PCDH19: variants seen among roughly 807,000 people sequenced by gnomAD.
PCDH19 encodes protocadherin 19.
Under a neutral mutation model 46.2 loss-of-function variants are expected in PCDH19, and 6 were observed. The ratio of observed to expected loss-of-function variants is 0.13; its 90% CI spans 0.07 to 0.26. PCDH19 has a LOEUF of 0.26. PCDH19 is among the 10% of genes least tolerant of loss of function. The pLI, the probability that PCDH19 is intolerant of heterozygous loss-of-function variation, is 1.00. For synonymous variants in PCDH19, 481 were observed against 415.7 expected, an observed-to-expected ratio of 1.16 and a Z score of -1.91; for missense variants, 740 against 972.3, an observed-to-expected ratio of 0.76 and a Z score of 3.18.
intron 5 of PCDH19, among the ~76,000 whole-genome samples, chrX:100,323,388 G>A (rs1925582625): frequency 8.9e-6 from 1 of 111,816 alleles, no homozygotes; most frequent in Admixed American, 9.5e-5. Context: ...AAAACTTCCT[G>A]TCAGTCCAAT....
At position 100,393,497 on chromosome X, in the gene PCDH19, T is replaced by TACACACACACACACAC. The variant is rs57070852; in HGVS notation, c.2616+9011_2616+9026dup. Among the ~76,000 whole-genome samples, 149 of 90,068 alleles carry TACACACACACACACAC rather than the reference T, an allele frequency of 1.7e-3. 1 individual carries two copies. Among genetic ancestry groups the TACACACACACACACAC allele is most frequent in the East Asian group, 9.5e-3 (24 of 2,534 alleles). 78.2% of individuals were successfully genotyped at this position (90,068 alleles called of 115,157 possible). A position where few individuals can be genotyped will look rare whatever the true frequency, so the allele number is the denominator to read the frequency against. On this transcript the variant is annotated intron_variant, in intron 3 of 5. Coordinates refer to ENST00000373034, the MANE Select transcript of PCDH19 (RefSeq NM_001184880.2). Reference sequence around the variant, plus strand: ...TCTCCCACACATACACATACATACATACACACACACACACACACACACACA... The same window carrying TACACACACACACACAC: ...TCTCCCACACATACACATACATACATACACACACACACACACACACACACACACACACACACACACA...
intron 5 of PCDH19, among the ~76,000 whole-genome samples, chrX:100,324,750 G>A (rs1374043163): frequency 9.0e-6 from 1 of 111,374 alleles, no homozygotes; most frequent in Non-Finnish European, 1.9e-5. Context: ...AAGTGAAGAG[G>A]GGAGACAGGA....
chrX:100,383,038 T>C (rs996967310), intron 3 of PCDH19, among the ~76,000 whole-genome samples: 3 of 112,980 alleles, frequency 2.7e-5, no homozygotes, highest in African/African-American at 9.6e-5. Flanking sequence ...TTCAATTGTG[T>C]TGCCCTCTAC....
intron 5 of PCDH19, among the ~76,000 whole-genome samples, chrX:100,304,870 G>GA (rs1425602345): frequency 8.9e-6 from 1 of 111,940 alleles, no homozygotes; most frequent in African/African-American, 3.2e-5. Context: ...ATCTGTCAAA[G>GA]AAAAAGAAAA....
intron 5 of PCDH19, among the ~76,000 whole-genome samples, chrX:100,306,863 G>A (rs2147454731): frequency 9.0e-6 from 1 of 111,611 alleles, no homozygotes; most frequent in Admixed American, 9.5e-5. Context: ...AAACCAGGAA[G>A]ATATAGAAAC....
At chrX:100,307,019 G>C (rs1262379948) in intron 5 of PCDH19, among the ~76,000 whole-genome samples, 1 of 111,734 alleles carries the variant, frequency 8.9e-6, no homozygotes, top group Non-Finnish European at 1.9e-5. Flanking sequence ...ACAGAACAGA[G>C]AAAGAGGGAA....
intron 5 of PCDH19, among the ~76,000 whole-genome samples, chrX:100,316,817 T>C (rs760647244): frequency 1.2e-4 from 13 of 112,348 alleles, no homozygotes; most frequent in Non-Finnish European, 1.9e-4. Context: ...AACAAATCAA[T>C]ATTTTACAAT....
At chrX:100,326,018 G>A (rs1192503146) in intron 5 of PCDH19, among the ~76,000 whole-genome samples, 1 of 112,279 alleles carries the variant, frequency 8.9e-6, no homozygotes, top group Admixed American at 9.4e-5. Flanking sequence ...TATTATCAGC[G>A]AAGGTGGGCC....
At chrX:100,381,924 A>G (rs774333942) in intron 3 of PCDH19, among the ~76,000 whole-genome samples, 2 of 111,500 alleles carry the variant, frequency 1.8e-5, no homozygotes, top group African/African-American at 6.5e-5. Context: ...AGCCACTACA[A>G]ATTCAAAGGA....
At chrX:100,398,429 G>A (rs762562788) in intron 3 of PCDH19, among the ~76,000 whole-genome samples, 2 of 112,232 alleles carry the variant, frequency 1.8e-5, no homozygotes, top group African/African-American at 6.5e-5. Context: ...GCTAGGTTTG[G>A]ACACTGATAC....
chrX:100,391,536 G>T, intron 3 of PCDH19, among the ~76,000 whole-genome samples: 1 of 111,845 alleles, frequency 8.9e-6, no homozygotes, highest in East Asian at 2.8e-4. Flanking sequence ...ACCACCTACA[G>T]AGCAACCATT....
At chrX:100,376,235 CAAAAA>C (rs1171817638) in intron 3 of PCDH19, among the ~76,000 whole-genome samples, 12 of 32,906 alleles carry the variant, frequency 3.6e-4, no homozygotes, top group South Asian at 1.9e-3. Flanking sequence ...AACTCCGTCT[CAAAAA>C]AAAAAAAAAA....
chrX:100,401,718 C>G (rs1928187251), intron 3 of PCDH19, among the ~76,000 whole-genome samples: 1 of 102,207 alleles, frequency 9.8e-6, no homozygotes, highest in Non-Finnish European at 2.0e-5. Flanking sequence ...AGAGCTCACT[C>G]AAATGCATAG....
At chrX:100,322,833 G>GTGTATATA (rs1322393906) in intron 5 of PCDH19, among the ~76,000 whole-genome samples, 17 of 48,793 alleles carry the variant, frequency 3.5e-4, no homozygotes, top group African/African-American at 1.6e-3. Flanking sequence ...ATATTCCTAA[G>GTGTATATA]TATATATATA....
chrX:100,322,997 A>C (rs1402811899), intron 5 of PCDH19, among the ~76,000 whole-genome samples: 1 of 107,371 alleles, frequency 9.3e-6, no homozygotes, highest in Non-Finnish European at 1.9e-5. Flanking sequence ...TTGAAAGAAA[A>C]CGTTCTTAAA....
intron 1 of PCDH19, among the ~76,000 whole-genome samples, chrX:100,405,727 T>G (rs1275113856): frequency 9.0e-6 from 1 of 111,261 alleles, no homozygotes; most frequent in Non-Finnish European, 1.9e-5. Flanking sequence ...GATTGCTATT[T>G]TTACTGAAAC....
intron 5 of PCDH19, among the ~76,000 whole-genome samples, chrX:100,320,964 G>C (rs1339569642): frequency 9.5e-6 from 1 of 105,248 alleles, no homozygotes; most frequent in East Asian, 3.0e-4. Context: ...AGTCCCCAAA[G>C]TCCACTGTAT....
chrX:100,379,328 CACACACACACACACACACA>C (rs1927476738), intron 3 of PCDH19, among the ~76,000 whole-genome samples: 1 of 4,399 alleles, frequency 2.3e-4, no homozygotes. Flanking sequence ...CACACACACA[CACACACACACACACACACA>C]CATTTCCTCC....
intron 3 of PCDH19, among the ~76,000 whole-genome samples, chrX:100,379,805 C>T (rs1927497778): frequency 1.8e-5 from 2 of 111,797 alleles, no homozygotes; most frequent in Non-Finnish European, 3.8e-5. Flanking sequence ...TGACAGTACT[C>T]TGATTCTATG....
Sources: allele counts gnomAD v4.1 joint callset (sites outside exome capture counted in the v4.1 genomes callset), GRCh38; gene constraint gnomAD v4.1.1; transcripts MANE v1.5; gene names NCBI Gene and HGNC (gene_info 2026-07-23, HGNC 2026-07-21).